TENM3: variants seen among roughly 807,000 people sequenced by gnomAD.
The protein encoded by TENM3 is teneurin transmembrane protein 3.
In TENM3, 63 loss-of-function variants were observed where a neutral mutation model predicts 255.1. The ratio of observed to expected loss-of-function variants is 0.25; its 90% confidence interval spans 0.20 to 0.30. The LOEUF is 0.30. Ranked by LOEUF, TENM3 falls within the 10% of genes least tolerant of loss-of-function variation. The pLI, the probability that TENM3 is intolerant of heterozygous loss-of-function variation, is 1.00. For missense variants in TENM3, 2,929 were observed against 3,461.1 expected (o/e 0.85, Z 3.86); for synonymous variants, 1,306 against 1,322.3 (o/e 0.99, Z 0.27).
intron 4 of TENM3, among the ~76,000 whole-genome samples, chr4:182,603,245 T>C (rs1265312076): frequency 6.6e-6 from 1 of 152,154 alleles, no homozygotes; most frequent in African/African-American, 2.4e-5. Context: ...TACTGAGATT[T>C]TCTTCCATTT....
the TENM3 span, among the ~76,000 whole-genome samples, chr4:181,807,916 T>C: frequency 1.3e-5 from 2 of 152,198 alleles, no homozygotes; most frequent in Non-Finnish European, 2.9e-5. Flanking sequence ...CTAGGGGAAG[T>C]GACTCCATGA....
chr4:181,942,296 CATT>C, the TENM3 span, among the ~76,000 whole-genome samples: 995 of 72,938 alleles, frequency 0.014, 15 homozygotes, highest in African/African-American at 0.05. Context: ...TTCAATTTTT[CATT>C]ACCTTTTATC....
At chr4:181,606,198 C>T in the TENM3 span, among the ~76,000 whole-genome samples, 12 of 152,288 alleles carry the variant, frequency 7.9e-5, no homozygotes, top group East Asian at 7.7e-4. Context: ...AAGCAGACAT[C>T]GTGTTTCCGG....
In TENM3 at chr4:182,653,883, T is replaced by G. The variant is rs1561060893; in HGVS notation, c.1101T>G (p.Ser367=). 1 of 1,609,322 alleles carries G rather than the reference T, an allele frequency of 6.2e-7. No individual in the cohort carries two copies. The highest frequency in any genetic ancestry group is 2.2e-5 in the East Asian group (1 of 44,644). Residue 367 remains serine (S), a synonymous_variant, in exon 6 of 28, where the codon TCT becomes TCG. Transcript: ENST00000511685. ...TMPTNTVSLP[S]GDNGKLGGFT... Reference sequence around the variant, plus strand: ...CAACAAACACTGTGTCATTACCTTCTGGAGACAATGGTAAGCGAAAGAATT... The same window carrying G: ...CAACAAACACTGTGTCATTACCTTCGGGAGACAATGGTAAGCGAAAGAATT...
chr4:181,802,792 C>T, the TENM3 span, among the ~76,000 whole-genome samples: 3 of 152,164 alleles, frequency 2.0e-5, no homozygotes, highest in Middle Eastern at 3.4e-3. Context: ...CATCAAGATT[C>T]CCAATGATTC....
At chr4:182,500,502 T>A (rs2151645480) in intron 3 of TENM3, among the ~76,000 whole-genome samples, 1 of 152,328 alleles carries the variant, frequency 6.6e-6, no homozygotes, top group Middle Eastern at 3.4e-3. Context: ...CACTGTCATA[T>A]GCTTCTGATG....
chr4:182,418,070 G>A (rs766275888), intron 3 of TENM3, among the ~76,000 whole-genome samples: 3 of 152,078 alleles, frequency 2.0e-5, no homozygotes, highest in Non-Finnish European at 2.9e-5. Context: ...ACATTTATCT[G>A]TGCAGGTGCT....
At chr4:181,561,449 A>C in the TENM3 span, among the ~76,000 whole-genome samples, 5 of 152,184 alleles carry the variant, frequency 3.3e-5, no homozygotes, top group African/African-American at 1.2e-4. Flanking sequence ...TATGGCAGAA[A>C]ATTTGAACAT....
At chr4:182,100,640 T>TATATATACACAC in the TENM3 span, among the ~76,000 whole-genome samples, 1 of 50,836 alleles carries the variant, frequency 2.0e-5, no homozygotes, top group Non-Finnish European at 3.8e-5. Flanking sequence ...TATATACACA[T>TATATATACACAC]ATATATACAC....
At chr4:182,024,208 C>A in the TENM3 span, among the ~76,000 whole-genome samples, 1 of 151,710 alleles carries the variant, frequency 6.6e-6, no homozygotes, top group Non-Finnish European at 1.5e-5. Flanking sequence ...GCTTTATTAC[C>A]AAAAAACAAA....
chr4:181,935,708 T>G, the TENM3 span, among the ~76,000 whole-genome samples: 5 of 152,074 alleles, frequency 3.3e-5, no homozygotes, highest in African/African-American at 1.2e-4. Flanking sequence ...CAAACTTACC[T>G]CCCAGTGGTC....
Position 182,738,623 on chromosome 4 carries a change from G to A in TENM3, c.3379+79G>A, listed in dbSNP as rs907813843. ...TAATGTTGCCCACTTTCCAACTCAT[G>A]AGATTGTAGCAACATTTTATGCTAT... is the stretch of plus-strand genomic sequence containing the variant. On this transcript the variant is annotated intron_variant, in intron 18 of 27. Transcript: ENST00000511685. 6 of 1,226,470 alleles carry A rather than the reference G, an allele frequency of 4.9e-6. No homozygotes were observed. The African/African-American group carries it at 9.1e-5, about 19-fold the overall frequency. 76.0% of individuals were successfully genotyped at this position (1,226,470 alleles called of 1,614,324 possible).
the TENM3 span, among the ~76,000 whole-genome samples, chr4:181,533,754 T>G: frequency 5.9e-5 from 9 of 152,088 alleles, no homozygotes; most frequent in African/African-American, 1.9e-4. Context: ...AAAAAAACTT[T>G]CATTAGTTTT....
chr4:181,804,612 T>C, the TENM3 span, among the ~76,000 whole-genome samples: 1 of 152,172 alleles, frequency 6.6e-6, no homozygotes, highest in Non-Finnish European at 1.5e-5. Flanking sequence ...GGAAAGGCAA[T>C]TCCAGGTGGT....
At chr4:182,786,327 C>T (rs1209681697) in intron 24 of TENM3, among the ~76,000 whole-genome samples, 2 of 152,118 alleles carry the variant, frequency 1.3e-5, no homozygotes, top group Non-Finnish European at 2.9e-5. Context: ...GAAGCGGAGG[C>T]GGGTGGATCA....
At chr4:181,976,713 G>A in the TENM3 span, among the ~76,000 whole-genome samples, 1 of 152,292 alleles carries the variant, frequency 6.6e-6, no homozygotes, top group South Asian at 2.1e-4. Flanking sequence ...ACAAATTAAT[G>A]TTCAGGAGAC....
At chr4:181,854,400 G>A in the TENM3 span, among the ~76,000 whole-genome samples, 6 of 152,150 alleles carry the variant, frequency 3.9e-5, no homozygotes, top group Non-Finnish European at 7.4e-5. Flanking sequence ...CACACTCATA[G>A]GCAAGCTCGT....
At chr4:182,572,989 G>T (rs961077089) in intron 3 of TENM3, among the ~76,000 whole-genome samples, 2 of 152,130 alleles carry the variant, frequency 1.3e-5, no homozygotes, top group African/African-American at 4.8e-5. Flanking sequence ...CTTTAGCTTA[G>T]ATCAAATAGT....
chr4:181,788,573 G>A, the TENM3 span, among the ~76,000 whole-genome samples: 1,453 of 152,194 alleles, frequency 9.5e-3, 20 homozygotes, highest in African/African-American at 0.033. Flanking sequence ...GGTACAGTGC[G>A]GAAAGTGTCT....
Sources: gnomAD v4.1 joint callset for allele counts (sites outside exome capture counted in the v4.1 genomes callset) on GRCh38, gnomAD v4.1.1 for gene constraint, MANE v1.5 for transcripts, NCBI Gene and HGNC (gene_info 2026-07-23, HGNC 2026-07-21) for gene names.